The following CARM1 variants were observed in gnomAD, a reference collection of about 807,000 sequenced individuals.
CARM1 encodes the protein histone-arginine methyltransferase CARM1.
A neutral mutation model predicts 72.7 loss-of-function variants in CARM1; 14 were observed. The ratio of observed to expected loss-of-function variants is 0.19; its 90% confidence interval spans 0.13 to 0.30. The LOEUF is 0.30. Ranked by LOEUF, CARM1 falls within the 10% of genes least tolerant of loss-of-function variation. CARM1 has a pLI of 1.00. For missense variants in CARM1, 432 were observed against 833.7 expected (o/e 0.52, Z 5.93); for synonymous variants, 333 against 345.5 (o/e 0.96, Z 0.40).
intron 1 of CARM1, among the ~76,000 whole-genome samples, chr19:10,890,262 T>TTG (rs1301077364): frequency 3.6e-5 from 5 of 140,166 alleles, no homozygotes; most frequent in African/African-American, 1.3e-4. Context: ...TGTTTTTTGT[T>TTG]TTGTTTGTTT....
In CARM1 at chr19:10,916,560, CT is replaced by C. The variant is rs2074198367; in HGVS notation, c.938+64del. 9 of 1,436,762 alleles carry C rather than the reference CT, an allele frequency of 6.3e-6. No individual in the cohort carries two copies. The highest frequency in any genetic ancestry group is 7.8e-6 in the Non-Finnish European group (8 of 1,022,596). 89.0% of individuals were successfully genotyped at this position (1,436,762 alleles called of 1,614,324 possible). A position where few individuals can be genotyped will look rare whatever the true frequency, so the allele number is the denominator to read the frequency against. On this transcript the variant is annotated intron_variant, in intron 7 of 15. Coordinates refer to ENST00000327064, the MANE Select transcript of CARM1 (RefSeq NM_199141.2). The surrounding 1 kb of genome is among the most constrained non-coding windows in gnomAD (Gnocchi z 4.4). The stretch of plus-strand genomic sequence containing the variant: ...CCTGCCTTCTCAGGGACAGCCCCAG[CT>C]CCCCAGAGAGCCTGCACTCCTCTTT...
intron 1 of CARM1, among the ~76,000 whole-genome samples, chr19:10,888,163 T>C (rs1483698479): frequency 6.6e-6 from 1 of 152,206 alleles, no homozygotes; most frequent in African/African-American, 2.4e-5. Flanking sequence ...TGTGTCACAA[T>C]GTGACAGACC....
intron 2 of CARM1, among the ~76,000 whole-genome samples, chr19:10,907,332 A>C (rs1334514359): frequency 6.6e-6 from 1 of 152,130 alleles, no homozygotes; most frequent in African/African-American, 2.4e-5. Context: ...CACTGTCCCC[A>C]GCCAAATAGA....
intron 6 of CARM1, 75 bp downstream of exon 6, chr19:10,914,129 T>C (rs1040643500): frequency 1.7e-5 from 24 of 1,397,990 alleles, no homozygotes; most frequent in Non-Finnish European, 2.3e-5. Flanking sequence ...CCATCAGTGC[T>C]TCAGCTCCCT....
At chr19:10,893,586 C>T (rs553828668) in intron 1 of CARM1, among the ~76,000 whole-genome samples, 1 of 152,288 alleles carries the variant, frequency 6.6e-6, no homozygotes, top group South Asian at 2.1e-4. Context: ...GACCCGCCTG[C>T]CTTGGCCTCC....
At chr19:10,893,970 C>T (rs977608368) in intron 1 of CARM1, among the ~76,000 whole-genome samples, 35 of 152,152 alleles carry the variant, frequency 2.3e-4, no homozygotes, top group Admixed American at 1.9e-3. Context: ...GCTGGGTGAC[C>T]CTAGGGTCAT....
chr19:10,889,252 A>G (rs891343806), intron 1 of CARM1, among the ~76,000 whole-genome samples: 2 of 151,986 alleles, frequency 1.3e-5, no homozygotes, highest in Non-Finnish European at 2.9e-5. Context: ...TCTGTTCCGT[A>G]GGTGGCTGCC....
At chr19:10,909,335 G>A in intron 4 of CARM1, 128 bp downstream of exon 4, 1 of 613,220 alleles carries the variant, frequency 1.6e-6, no homozygotes, top group Non-Finnish European at 2.9e-6. Flanking sequence ...AGAGGCTGAG[G>A]CAGGAGGATC....
rs1421266984 is a variant in CARM1 at position 10,915,717 on chromosome 19, C to T, written c.848-690C>T. On this transcript the variant is annotated intron_variant, in intron 6 of 15. Coordinates refer to ENST00000327064, the MANE Select transcript of CARM1 (RefSeq NM_199141.2). This position sits in a 1 kb window ranked among gnomAD's most constrained non-coding sequence, Gnocchi z 4.6. Reference sequence around the variant, plus strand: ...CCAGCTTGCAAGGCTGGGGGGCCCACATCTGGAGGCCAGGTGCTCCTTGGG... The same window carrying T: ...CCAGCTTGCAAGGCTGGGGGGCCCATATCTGGAGGCCAGGTGCTCCTTGGG... 1.3e-5 allele frequency among the ~76,000 whole-genome samples: 2 copies of T among 152,158 alleles called. No individual in the cohort carries two copies. The highest frequency in any genetic ancestry group is 2.9e-5 in the Non-Finnish European group (2 of 68,010).
At chr19:10,911,183 A>G (rs1401818971) in intron 4 of CARM1, among the ~76,000 whole-genome samples, 1 of 152,078 alleles carries the variant, frequency 6.6e-6, no homozygotes, top group Non-Finnish European at 1.5e-5. Flanking sequence ...GAGCCGCCGC[A>G]CCTGGCCTGT....
chr19:10,892,232 G>A (rs528859089), intron 1 of CARM1, among the ~76,000 whole-genome samples: 69 of 152,380 alleles, frequency 4.5e-4, no homozygotes, highest in African/African-American at 1.5e-3. Context: ...ATCTCTGCAA[G>A]TAGAGCTTGT....
intron 1 of CARM1, among the ~76,000 whole-genome samples, chr19:10,898,281 T>A (rs180876451): frequency 1.3e-5 from 2 of 152,092 alleles, no homozygotes; most frequent in African/African-American, 4.8e-5. Flanking sequence ...CACTCCAGTC[T>A]AGGCGACAGA....
At chr19:10,917,753 T>C (rs890679686) in intron 8 of CARM1, among the ~76,000 whole-genome samples, 4 of 149,720 alleles carry the variant, frequency 2.7e-5, no homozygotes, top group Non-Finnish European at 5.9e-5. Context: ...AGTCTTGCTC[T>C]GTTGCCCAGG....
intron 2 of CARM1, among the ~76,000 whole-genome samples, chr19:10,906,860 G>A (rs998996068): frequency 7.6e-6 from 1 of 131,188 alleles, no homozygotes; most frequent in Admixed American, 7.9e-5. Flanking sequence ...AATAAATATA[G>A]CTTTATTTTA....
Position 10,904,941 on chromosome 19 carries a change from T to A in CARM1, c.221-10T>A, listed in dbSNP as rs746960825. On this transcript the variant is annotated splice_polypyrimidine_tract_variant and intron_variant, in intron 1 of 15. Transcript: ENST00000327064. ...CTGCACCGCTCACGCCAGCCTGTCT[T>A]CTCTCGTAGATGAAGATGTGTGTGT... 13 of 1,613,784 alleles carry A rather than the reference T, an allele frequency of 8.1e-6. No homozygotes were observed. Among genetic ancestry groups the A allele is most frequent in the Middle Eastern group, 1.6e-4 (1 of 6,084 alleles).
chr19:10,922,430 TTGC>T lies in CARM1; in HGVS notation c.*679_*681del, dbSNP rs1246244288. The T allele has an allele frequency of 1.5e-4, 23 of 152,954 alleles. No individual in the cohort carries two copies. Among genetic ancestry groups the T allele is most frequent in the Admixed American group, 1.4e-3 (22 of 15,290 alleles). The allele number at this position is 152,954 out of a possible 1,614,324, so 9.5% of individuals were successfully genotyped here. A position where few individuals can be genotyped will look rare whatever the true frequency, so the allele number is the denominator to read the frequency against. On this transcript the variant is annotated 3_prime_UTR_variant, in exon 16 of 16. Coordinates refer to ENST00000327064, the MANE Select transcript of CARM1 (RefSeq NM_199141.2). ...GGCCTCCGTCCTCGGCCCCTGCCTC[TTGC>T]TGCTGTCCTGTCCCCGAGCCCCTGC...
In CARM1 at chr19:10,919,591, C is replaced by A. The variant is rs901861933; in HGVS notation, c.1021-4C>A. On this transcript the variant is annotated splice_region_variant and splice_polypyrimidine_tract_variant and intron_variant, in intron 8 of 15. Transcript: ENST00000327064. Reference sequence around the variant, plus strand: ...TGCCACGTCACACCTGTGGTCTCTCCCAGGACACATTTGACATCCGGATCC... The same window carrying A: ...TGCCACGTCACACCTGTGGTCTCTCACAGGACACATTTGACATCCGGATCC... 3.7e-6 allele frequency: 6 copies of A among 1,610,990 alleles called. No homozygotes were observed. Among genetic ancestry groups the A allele is most frequent in the Non-Finnish European group, 5.1e-6 (6 of 1,177,214 alleles).
chr19:10,916,426 T>TG lies in CARM1; in HGVS notation c.869dup (p.Asp291Ter). On this transcript the variant is annotated frameshift_variant, in exon 7 of 16. Coordinates refer to ENST00000327064, the MANE Select transcript of CARM1 (RefSeq NM_199141.2). LOFTEE classifies it high-confidence loss of function. This position sits in a 1 kb window ranked among gnomAD's most constrained non-coding sequence, Gnocchi z 4.4. Reference sequence around the variant, plus strand: ...TCCCAGGAAACATGTTTCCTACCATTGGTGACGTCCACCTTGCACCCTTCA... The same window carrying TG: ...TCCCAGGAAACATGTTTCCTACCATTGGGTGACGTCCACCTTGCACCCTTCA... 6.2e-7 allele frequency: 1 copy of TG among 1,613,566 alleles called. No individual in the cohort carries two copies. The highest frequency in any genetic ancestry group is 8.5e-7 in the Non-Finnish European group (1 of 1,179,664).
chr19:10,873,412 G>A (rs2073835238), intron 1 of CARM1, among the ~76,000 whole-genome samples: 1 of 151,718 alleles, frequency 6.6e-6, no homozygotes, highest in African/African-American at 2.4e-5. Flanking sequence ...TGGCCAACAT[G>A]GTGAAACCCC....
Sources: allele counts gnomAD v4.1 joint callset (sites outside exome capture counted in the v4.1 genomes callset), GRCh38; gene constraint gnomAD v4.1.1; non-coding constraint Gnocchi (gnomAD v3.1); transcripts MANE v1.5; gene names NCBI Gene and HGNC (gene_info 2026-07-23, HGNC 2026-07-21).